Variants in GATM observed in about 807,000 individuals in gnomAD.
The protein encoded by GATM is glycine amidinotransferase.
In GATM, 23 loss-of-function variants were observed where a neutral mutation model predicts 54.2. The observed-to-expected ratio is 0.42, with a 90% CI of 0.31 to 0.60. The LOEUF is 0.60. Ranked by LOEUF, GATM falls within the 20% of genes least tolerant of loss-of-function variation. The probability of loss-of-function intolerance (pLI) is 0.14; values close to 1 mark genes in which losing one functional copy is unlikely to be tolerated. For missense variants in GATM, 401 were observed against 544.9 expected, an observed-to-expected ratio of 0.74 and a Z score of 2.63; for synonymous variants, 168 against 183.1, an observed-to-expected ratio of 0.92 and a Z score of 0.67.
intron 6 of GATM, among the ~76,000 whole-genome samples, chr15:45,365,274 T>C (rs1341987618): frequency 6.6e-6 from 1 of 152,222 alleles, no homozygotes; most frequent in African/African-American, 2.4e-5. Flanking sequence ...TCTAGGACCA[T>C]GGTATAAAGA....
In GATM at chr15:45,366,417, G is replaced by A; in HGVS notation, c.767C>T (p.Ala256Val). The change falls in exon 5 of 9, where the codon GCT becomes GTT. Residue 256 changes from alanine (A) to valine (V), a missense_variant. By Grantham distance (64) the Ala-to-Val change is moderately conservative. Coordinates refer to ENST00000396659, the MANE Select transcript of GATM (RefSeq NM_001482.3). ...TTEFEPCFDAADFIRAGRDIF... is the reference protein window; with the variant it reads ...TTEFEPCFDAVDFIRAGRDIF... Reference sequence around the variant, plus strand: ...ATCTCTTCCAGCTCGAATGAAGTCAGCAGCATCAAAGCATGGCTCAAACTC... The same window carrying A: ...ATCTCTTCCAGCTCGAATGAAGTCAACAGCATCAAAGCATGGCTCAAACTC... 1 of 1,614,184 alleles carries A rather than the reference G, an allele frequency of 6.2e-7. No individual in the cohort carries two copies. The highest frequency in any genetic ancestry group is 8.5e-7 in the Non-Finnish European group (1 of 1,180,030).
At chr15:45,399,976 C>A (rs938071918) in intron 1 of GATM, among the ~76,000 whole-genome samples, 4 of 152,232 alleles carry the variant, frequency 2.6e-5, no homozygotes, top group Non-Finnish European at 5.9e-5. Context: ...AATCTCAGCA[C>A]TTTGGGAGGC....
chr15:45,368,638 T>C lies in GATM; in HGVS notation c.485-378A>G, dbSNP rs1952943099. Among the ~76,000 whole-genome samples the C allele has an allele frequency of 6.6e-6, 1 of 151,518 alleles. No homozygotes were observed. Among genetic ancestry groups the C allele is most frequent in the Non-Finnish European group, 1.5e-5 (1 of 67,928 alleles). ...AACAAACAAACAAAAAATGTCTATA[T>C]AATATTACCTCTTTTTTTGGTTAAA... On this transcript the variant is annotated intron_variant, in intron 3 of 8. Transcript: ENST00000396659. The surrounding 1 kb of genome is among the most constrained non-coding windows in gnomAD (Gnocchi z 5.1).
At chr15:45,372,942 G>A (rs1254724838) in intron 2 of GATM, among the ~76,000 whole-genome samples, 1 of 152,178 alleles carries the variant, frequency 6.6e-6, no homozygotes, top group Non-Finnish European at 1.5e-5. Context: ...TATATTAGAC[G>A]CTTAGCATAT....
intron 3 of GATM, among the ~76,000 whole-genome samples, chr15:45,384,105 C>A (rs942634789): frequency 6.6e-6 from 1 of 152,206 alleles, no homozygotes; most frequent in African/African-American, 2.4e-5. Context: ...GAGCCCTTAA[C>A]TTCTAGGACA....
intron 2 of GATM, among the ~76,000 whole-genome samples, chr15:45,397,830 G>C (rs1217210084): frequency 6.6e-6 from 1 of 152,134 alleles, no homozygotes; most frequent in Non-Finnish European, 1.5e-5. Flanking sequence ...TGTGGAGTCT[G>C]ATGCTATCTC....
At chr15:45,387,104 T>C (rs1374436365) in intron 3 of GATM, among the ~76,000 whole-genome samples, 1 of 152,182 alleles carries the variant, frequency 6.6e-6, no homozygotes, top group African/African-American at 2.4e-5. Flanking sequence ...CTGTGAGGCA[T>C]GAGGTTTTTA....
chr15:45,378,914 T>C (rs1182786541), upstream of GATM: 1 of 153,116 alleles, frequency 6.5e-6, no homozygotes, highest in African/African-American at 2.4e-5. Context: ...TACCCTTAAA[T>C]TCACATATGC....
At chr15:45,386,360 C>T (rs1889803436) in intron 3 of GATM, among the ~76,000 whole-genome samples, 1 of 152,146 alleles carries the variant, frequency 6.6e-6, no homozygotes, top group Non-Finnish European at 1.5e-5. Flanking sequence ...TGAGACTTTG[C>T]TACATTTATA....
At position 45,365,691 on chromosome 15, in the gene GATM, G is replaced by A. The variant is rs544864210; in HGVS notation, c.978+355C>T. Among the ~76,000 whole-genome samples, 25 of 152,286 alleles carry A rather than the reference G, an allele frequency of 1.6e-4. No homozygotes were observed. In the East Asian group the frequency reaches 4.8e-3, roughly 29 times the overall value. On this transcript the variant is annotated intron_variant, in intron 6 of 8. Transcript: ENST00000396659. ...ACCACTGCCCAGTGGCATTGCCCTGGCCATGCAAGGATGATCTTGTCCAAA... is the reference window on the plus strand; with the variant it reads ...ACCACTGCCCAGTGGCATTGCCCTGACCATGCAAGGATGATCTTGTCCAAA...
chr15:45,377,976 A>C, intron 1 of GATM: 1 of 165,224 alleles, frequency 6.1e-6, no homozygotes, highest in Non-Finnish European at 1.3e-5. Context: ...CACTCAGGCT[A>C]CTGAACCCCA....
At chr15:45,378,851 A>C (rs1889694157), upstream of GATM, 1 of 186,854 alleles carries the variant, frequency 5.4e-6, no homozygotes. Context: ...TGGTCTATGC[A>C]TATATTAAGT....
At chr15:45,381,183 T>C (rs1370519430), upstream of GATM, among the ~76,000 whole-genome samples, 22 of 152,198 alleles carry the variant, frequency 1.4e-4, no homozygotes. Context: ...CTATTGGCAG[T>C]AGATACCATT....
chr15:45,369,993 ACCT>A (rs1175135859), intron 2 of GATM, among the ~76,000 whole-genome samples: 2 of 151,960 alleles, frequency 1.3e-5, no homozygotes, highest in Admixed American at 6.6e-5. Flanking sequence ...AGAAAATAGC[ACCT>A]CAAGATATTT....
At chr15:45,385,706 G>T (rs2140670327) in intron 3 of GATM, among the ~76,000 whole-genome samples, 1 of 152,260 alleles carries the variant, frequency 6.6e-6, no homozygotes, top group Admixed American at 6.5e-5. Flanking sequence ...TATATAGTAA[G>T]CAATAAAGAT....
intron 3 of GATM, among the ~76,000 whole-genome samples, chr15:45,388,698 G>A (rs1004234363): frequency 2.0e-5 from 3 of 152,114 alleles, no homozygotes; most frequent in East Asian, 1.9e-4. Flanking sequence ...GAATACTACC[G>A]AGATGATGTG....
upstream of GATM, among the ~76,000 whole-genome samples, chr15:45,381,534 G>A (rs1889741242): frequency 6.6e-6 from 1 of 152,160 alleles, no homozygotes. Context: ...AAAAGAGCCC[G>A]TTGTAAGAAT....
exon 1 of GATM, chr15:45,402,186 C>T: frequency 1.9e-6 from 1 of 538,242 alleles, no homozygotes; most frequent in Non-Finnish European, 3.2e-6. Flanking sequence ...CGAAGACCAT[C>T]TCGGGAAAGC....
At chr15:45,381,572 C>T (rs1889741609), upstream of GATM, among the ~76,000 whole-genome samples, 1 of 152,174 alleles carries the variant, frequency 6.6e-6, no homozygotes, top group African/African-American at 2.4e-5. Context: ...TGGTTGACTT[C>T]AGAATCTGTA....
Sources: allele counts gnomAD v4.1 joint callset (sites outside exome capture counted in the v4.1 genomes callset), GRCh38; gene constraint gnomAD v4.1.1; non-coding constraint Gnocchi (gnomAD v3.1); transcripts MANE v1.5; gene names NCBI Gene and HGNC (gene_info 2026-07-23, HGNC 2026-07-21).